The following NRG2 variants were observed in gnomAD, a reference collection of about 807,000 sequenced individuals.
NRG2 encodes neuregulin 2.
NRG2 carries 27 observed loss-of-function variants against 73.9 expected under a neutral mutation model. The ratio of observed to expected loss-of-function variants is 0.37; its 90% CI spans 0.27 to 0.50. NRG2 has a LOEUF of 0.50. Ranked by LOEUF, NRG2 falls within the 20% of genes least tolerant of loss-of-function variation. The pLI is 0.96. For synonymous variants in NRG2, 532 were observed against 541.0 expected (o/e 0.98, Z 0.23); for missense variants, 1,126 against 1,210.1 (o/e 0.93, Z 1.03).
At position 139,869,703 on chromosome 5, in the gene NRG2, G is replaced by A. The variant is rs1338029812; in HGVS notation, c.1112+2018C>T. On this transcript the variant is annotated intron_variant, in intron 4 of 9. Coordinates refer to ENST00000361474, the MANE Select transcript of NRG2 (RefSeq NM_004883.3). The surrounding 1 kb of genome is among the most constrained non-coding windows in gnomAD (Gnocchi z 4.5). ...GGCTCTGGGTACCAAGTTCTAAGCA[G>A]TGCAGCCCAGGTGCCCTGGTGGGAA... is the stretch of plus-strand genomic sequence containing the variant. 1.3e-5 allele frequency: 2 copies of A among 152,302 alleles called. No individual in the cohort carries two copies. Among genetic ancestry groups the A allele is most frequent in the Non-Finnish European group, 2.9e-5 (2 of 68,086 alleles). 9.4% of individuals were successfully genotyped at this position (152,302 alleles called of 1,614,324 possible).
chr5:139,847,948 G>T lies in NRG2; in HGVS notation c.2522C>A (p.Pro841Gln). The stretch of plus-strand genomic sequence containing the variant: ...TGGCGCCGAGTCCTGCTTGGCCCGC[G>T]GGGGCGGCCCGCGGCTGTGTCTGCT... ...ASSRHSRGPP[P>Q]RAKQDSAPL Residue 841 changes from proline to glutamine, a missense_variant, in exon 10 of 10, where the codon CCG becomes CAG. Pro to Gln is a moderately conservative substitution (Grantham distance 76, BLOSUM62 -1). Coordinates refer to ENST00000361474, the MANE Select transcript of NRG2 (RefSeq NM_004883.3). 1 of 1,504,750 alleles carries T rather than the reference G, an allele frequency of 6.6e-7. No individual in the cohort carries two copies. Among genetic ancestry groups the T allele is most frequent in the Non-Finnish European group, 8.8e-7 (1 of 1,131,954 alleles). The allele number at this position is 1,504,750 out of a possible 1,614,324, so 93.2% of individuals were successfully genotyped here.
intron 1 of NRG2, among the ~76,000 whole-genome samples, chr5:139,972,795 T>C (rs1049065247): frequency 3.3e-5 from 5 of 151,964 alleles, no homozygotes; most frequent in East Asian, 1.9e-4. Flanking sequence ...TTTATCAAAA[T>C]AAAGATTAAT....
rs1765078787 is a variant in NRG2 at position 139,904,308 on chromosome 5, T to A, written c.701-16797A>T. On this transcript the variant is annotated intron_variant, in intron 1 of 9. Transcript: ENST00000361474. This position sits in a 1 kb window ranked among gnomAD's most constrained non-coding sequence, Gnocchi z 6.0. ...TCTGGGCGCGCGGAGGTGCCCTACC[T>A]TTCTCCCCGGGATCGGGCTCCCTCT... 6.3e-7 allele frequency: 1 copy of A among 1,590,072 alleles called. No individual in the cohort carries two copies. Among genetic ancestry groups the A allele is most frequent in the Non-Finnish European group, 8.5e-7 (1 of 1,176,542 alleles).
At chr5:139,933,358 A>G (rs1018577446) in intron 1 of NRG2, among the ~76,000 whole-genome samples, 4 of 152,232 alleles carry the variant, frequency 2.6e-5, no homozygotes, top group Non-Finnish European at 4.4e-5. Flanking sequence ...TAGAAGTAAA[A>G]TACTGTAAAA....
intron 1 of NRG2, among the ~76,000 whole-genome samples, chr5:139,964,262 C>G (rs1755306355): frequency 6.6e-6 from 1 of 152,178 alleles, no homozygotes; most frequent in African/African-American, 2.4e-5. Flanking sequence ...CCTCCAATGT[C>G]TACCCTACTG....
At chr5:139,925,086 T>C (rs1751953395) in intron 1 of NRG2, among the ~76,000 whole-genome samples, 1 of 152,026 alleles carries the variant, frequency 6.6e-6, no homozygotes, top group East Asian at 1.9e-4. Flanking sequence ...TCAAGGAAGA[T>C]GTGAGGCTAA....
intron 1 of NRG2, among the ~76,000 whole-genome samples, chr5:139,932,362 A>C (rs183119148): frequency 7.2e-5 from 11 of 152,240 alleles, no homozygotes; most frequent in Admixed American, 2.0e-4. Flanking sequence ...TAAGGGAAAT[A>C]AGCCAGACAC....
intron 1 of NRG2, among the ~76,000 whole-genome samples, chr5:139,923,317 T>G (rs1016080709): frequency 2.0e-5 from 3 of 152,184 alleles, no homozygotes; most frequent in Non-Finnish European, 4.4e-5. Flanking sequence ...AAGCAGTGTT[T>G]GTGCCACATG....
intron 1 of NRG2, among the ~76,000 whole-genome samples, chr5:139,931,298 A>T (rs995491002): frequency 3.3e-5 from 5 of 152,238 alleles, no homozygotes; most frequent in African/African-American, 9.6e-5. Flanking sequence ...AAACATTAGC[A>T]AACAACAGGA....
At chr5:139,877,985 G>A (rs914423568) in intron 3 of NRG2, among the ~76,000 whole-genome samples, 4 of 152,186 alleles carry the variant, frequency 2.6e-5, no homozygotes, top group South Asian at 4.2e-4. Context: ...AAGGTGCCAC[G>A]GTCTGGTTCC....
intron 1 of NRG2, among the ~76,000 whole-genome samples, chr5:140,011,543 C>T (rs1759368855): frequency 1.3e-5 from 2 of 152,224 alleles, no homozygotes; most frequent in African/African-American, 4.8e-5. Context: ...CTCTCTCCCT[C>T]ACCTGCTCTG....
At chr5:139,872,988 C>T (rs190163423) in intron 3 of NRG2, among the ~76,000 whole-genome samples, 48 of 152,282 alleles carry the variant, frequency 3.2e-4, no homozygotes, top group Non-Finnish European at 5.0e-4. Context: ...GCCCTGTCTC[C>T]TCAGGGGTAC....
chr5:139,992,694 TA>T (rs1395017310), intron 1 of NRG2, among the ~76,000 whole-genome samples: 1 of 152,182 alleles, frequency 6.6e-6, no homozygotes, highest in East Asian at 1.9e-4. Context: ...GAAAACAGCC[TA>T]AAAATAGAAC....
chr5:139,916,359 C>G (rs1389057637), intron 1 of NRG2, among the ~76,000 whole-genome samples: 5 of 152,178 alleles, frequency 3.3e-5, no homozygotes, highest in Admixed American at 6.5e-5. Context: ...TCCCCACCAT[C>G]AATTTTCCCC....
At chr5:139,905,194 G>A (rs1180782141) in intron 1 of NRG2, among the ~76,000 whole-genome samples, 2 of 152,158 alleles carry the variant, frequency 1.3e-5, no homozygotes, top group African/African-American at 4.8e-5. Context: ...GCCTGCGGAG[G>A]TGAACTCAGA....
intron 5 of NRG2, among the ~76,000 whole-genome samples, chr5:139,864,752 G>A (rs552173179): frequency 6.8e-4 from 95 of 139,812 alleles, no homozygotes; most frequent in African/African-American, 2.6e-3. Flanking sequence ...TCTCAAACAC[G>A]TCGGCACACA....
In NRG2 at chr5:140,043,033, G is replaced by A. The variant is rs999335764; in HGVS notation, c.37C>T (p.Pro13Ser). ...CTGCTGCACCGACCCTTCTCCAGTG[G>A]CGGCGGCGGCAGCGCTGAGCAGCAA... Reference protein sequence around the residue: ...QVCCSALPPPPLEKGRCSSYS... With the variant: ...QVCCSALPPPSLEKGRCSSYS... Residue 13 changes from proline (P) to serine (S), a missense_variant, in exon 1 of 10, where the codon CCA becomes TCA. This residue lies in a region of NRG2 where 185 missense variants were observed against 149.0 expected (regional missense o/e 1.24). Coordinates refer to ENST00000361474, the MANE Select transcript of NRG2 (RefSeq NM_004883.3). This position sits in a 1 kb window ranked among gnomAD's most constrained non-coding sequence, Gnocchi z 6.7. 5.2e-6 allele frequency: 8 copies of A among 1,536,576 alleles called. No homozygotes were observed. Among genetic ancestry groups the A allele is most frequent in the Non-Finnish European group, 6.1e-6 (7 of 1,147,038 alleles).
At chr5:139,899,814 T>C (rs1046641238) in intron 1 of NRG2, among the ~76,000 whole-genome samples, 1 of 152,162 alleles carries the variant, frequency 6.6e-6, no homozygotes, top group African/African-American at 2.4e-5. Context: ...TTGAGGGGCA[T>C]GGAAGAGCCC....
At chr5:140,026,578 C>T (rs951995359) in intron 1 of NRG2, among the ~76,000 whole-genome samples, 3 of 151,840 alleles carry the variant, frequency 2.0e-5, no homozygotes, top group Non-Finnish European at 2.9e-5. Context: ...AGCCACCGTA[C>T]TCCAGCCTAG....
Sources: allele counts gnomAD v4.1 joint callset (sites outside exome capture counted in the v4.1 genomes callset), GRCh38; gene constraint gnomAD v4.1.1; regional missense constraint gnomAD v4.1.1; non-coding constraint Gnocchi (gnomAD v3.1); transcripts MANE v1.5; gene names NCBI Gene and HGNC (gene_info 2026-07-23, HGNC 2026-07-21).